LARP1B: variants seen among roughly 807,000 people sequenced by gnomAD.
LARP1B encodes La ribonucleoprotein 1B, also known as la-related protein 1B.
In LARP1B, 76 loss-of-function variants were observed where a neutral mutation model predicts 114.2. The ratio of observed to expected loss-of-function variants is 0.67; its 90% CI spans 0.55 to 0.81. The LOEUF (loss-of-function observed/expected upper bound fraction) is 0.81. LARP1B is among the 30% of genes least tolerant of loss of function. The pLI, the probability that LARP1B is intolerant of heterozygous loss-of-function variation, is 0.00. For synonymous variants in LARP1B, 345 were observed against 348.0 expected (o/e 0.99, Z 0.10); for missense variants, 1,014 against 1,075.8 (o/e 0.94, Z 0.80).
chr4:128,178,289 A>G, intron 13 of LARP1B, 142 bp from the exon 14 acceptor site: 1 of 608,108 alleles, frequency 1.6e-6, no homozygotes, highest in Non-Finnish European at 2.8e-6. Flanking sequence ...TCAAAAAAGT[A>G]TTTGTTATTT....
chr4:128,141,351 A>G (rs1424406709), intron 11 of LARP1B, among the ~76,000 whole-genome samples: 2 of 152,136 alleles, frequency 1.3e-5, no homozygotes, highest in Non-Finnish European at 2.9e-5. Flanking sequence ...TCCCCTAACT[A>G]TAAATGTTTA....
chr4:128,104,469 G>A (rs1355345772), intron 8 of LARP1B, among the ~76,000 whole-genome samples: 1 of 151,032 alleles, frequency 6.6e-6, no homozygotes, highest in South Asian at 2.1e-4. Context: ...TTTTGAGACC[G>A]CTCTCACTCT....
downstream of LARP1B, among the ~76,000 whole-genome samples, chr4:128,213,522 C>T (rs753028360): frequency 4.8e-4 from 73 of 151,686 alleles, no homozygotes; most frequent in Admixed American, 5.9e-4. Flanking sequence ...AAAACTATAC[C>T]CCTTAAAGAA....
chr4:128,081,591 G>A (rs1400033348), intron 4 of LARP1B, among the ~76,000 whole-genome samples: 4 of 152,040 alleles, frequency 2.6e-5, no homozygotes, highest in East Asian at 1.9e-4. Flanking sequence ...GAGCTTGAAC[G>A]CTTTGATGGC....
chr4:128,117,487 G>A (rs1199517149), intron 10 of LARP1B, among the ~76,000 whole-genome samples: 1 of 152,156 alleles, frequency 6.6e-6, no homozygotes, highest in East Asian at 1.9e-4. Flanking sequence ...CCGGGTTCAA[G>A]CGATTCTCCT....
chr4:128,117,145 G>T (rs1283972815), intron 10 of LARP1B, among the ~76,000 whole-genome samples: 7 of 151,486 alleles, frequency 4.6e-5, no homozygotes, highest in East Asian at 1.9e-4. Flanking sequence ...CTCCTGATCC[G>T]CCTGCCTTAG....
chr4:128,176,912 C>T lies in LARP1B; in HGVS notation c.1684+5C>T. On this transcript the variant is annotated splice_donor_5th_base_variant and intron_variant, in intron 13 of 19. Coordinates refer to ENST00000326639, the MANE Select transcript of LARP1B (RefSeq NM_018078.4). ...TGCTTCACATTCCCAAGAAAGGTAACATCTGTGGTGGGTATTAAAGGGAGG... is the reference window on the plus strand; with the variant it reads ...TGCTTCACATTCCCAAGAAAGGTAATATCTGTGGTGGGTATTAAAGGGAGG... 1 of 1,613,322 alleles carries T rather than the reference C, an allele frequency of 6.2e-7. No homozygotes were observed. The highest frequency in any genetic ancestry group is 1.7e-5 in the Admixed American group (1 of 60,016).
At chr4:128,146,248 A>G (rs969585811) in intron 11 of LARP1B, among the ~76,000 whole-genome samples, 2 of 152,206 alleles carry the variant, frequency 1.3e-5, no homozygotes, top group African/African-American at 4.8e-5. Flanking sequence ...AAATGGTATT[A>G]TATATGTTTT....
At chr4:128,110,226 G>A (rs978284287) in intron 9 of LARP1B, among the ~76,000 whole-genome samples, 1 of 152,000 alleles carries the variant, frequency 6.6e-6, no homozygotes, top group African/African-American at 2.4e-5. Flanking sequence ...AATAAAAGCA[G>A]CAAAGATAAA....
intron 11 of LARP1B, among the ~76,000 whole-genome samples, chr4:128,148,042 C>A (rs188515915): frequency 6.6e-6 from 1 of 152,280 alleles, no homozygotes; most frequent in East Asian, 1.9e-4. Context: ...TTTTAGAGCC[C>A]TTTTAAGTTG....
intron 8 of LARP1B, 144 bp from the exon 9 acceptor site, chr4:128,106,995 C>T: frequency 1.6e-6 from 1 of 634,426 alleles, no homozygotes; most frequent in Admixed American, 3.1e-5. Context: ...AACTTGTGTT[C>T]TATGTGGTTA....
At chr4:128,092,920 C>T (rs1345477722) in intron 7 of LARP1B, 1 of 985,272 alleles carries the variant, frequency 1.0e-6, no homozygotes, top group Non-Finnish European at 1.2e-6. Flanking sequence ...ACATGCAACT[C>T]CATGTCAGGA....
chr4:128,145,585 C>T (rs1729989909), intron 11 of LARP1B, among the ~76,000 whole-genome samples: 1 of 152,162 alleles, frequency 6.6e-6, no homozygotes, highest in Admixed American at 6.6e-5. Flanking sequence ...AGATTGTCTC[C>T]AGCGCTCTAT....
At chr4:128,108,688 G>A (rs1223399494) in intron 9 of LARP1B, 1 of 979,672 alleles carries the variant, frequency 1.0e-6, no homozygotes, top group African/African-American at 1.8e-5. Context: ...GATATAATGG[G>A]TGATTATATA....
chr4:128,094,443 C>G (rs1253601317), intron 7 of LARP1B, among the ~76,000 whole-genome samples: 2 of 148,738 alleles, frequency 1.3e-5, no homozygotes, highest in Non-Finnish European at 3.0e-5. Context: ...CTCTGTCGCC[C>G]AGGATGGAGT....
intron 1 of LARP1B, among the ~76,000 whole-genome samples, chr4:128,073,991 A>G (rs909973300): frequency 1.3e-5 from 2 of 151,240 alleles, no homozygotes; most frequent in Admixed American, 1.3e-4. Flanking sequence ...CCCAGGCTGG[A>G]GTGGAATGGC....
At position 128,180,410 on chromosome 4, in the gene LARP1B, C is replaced by T. The variant is rs1050666741; in HGVS notation, c.2003+898C>T. On this transcript the variant is annotated intron_variant, in intron 15 of 19. Coordinates refer to ENST00000326639, the MANE Select transcript of LARP1B (RefSeq NM_018078.4). ...TGAAAAGAAATGCTAGGGAGTTTAT[C>T]ATGCTCTCAAAACCTTGAAATCTGT... Among the ~76,000 whole-genome samples the T allele has an allele frequency of 2.0e-5, 3 of 152,194 alleles. No homozygotes were observed. In the South Asian group the frequency reaches 6.2e-4, roughly 31 times the overall value.
chr4:128,089,906 G>A (rs116213612), intron 5 of LARP1B, among the ~76,000 whole-genome samples: 8,387 of 151,734 alleles, frequency 0.055, 374 homozygotes, highest in Non-Finnish European at 0.082. Flanking sequence ...GAGTAGCTGG[G>A]ATTACAGGCA....
chr4:128,098,067 T>C, intron 7 of LARP1B, 119 bp from the exon 8 acceptor site: 1 of 776,500 alleles, frequency 1.3e-6, no homozygotes. Context: ...GCTATACATA[T>C]TGTTAACCAA....
Sources: gnomAD v4.1 joint callset for allele counts (sites outside exome capture counted in the v4.1 genomes callset) on GRCh38, gnomAD v4.1.1 for gene constraint, MANE v1.5 for transcripts, NCBI Gene and HGNC (gene_info 2026-07-23, HGNC 2026-07-21) for gene names.